XPO6: variants seen among roughly 807,000 people sequenced by gnomAD.
The protein encoded by XPO6 is exportin-6.
XPO6 carries 3 observed loss-of-function variants against 130.0 expected under a neutral mutation model. That is an observed-to-expected ratio of 0.02 (90% CI 0.01 to 0.06). The LOEUF (loss-of-function observed/expected upper bound fraction) is 0.06. Among genes scored for constraint, XPO6 ranks in the 10% least tolerant of loss-of-function variants. The pLI is 1.00. For synonymous variants in XPO6, 524 were observed against 548.9 expected, an observed-to-expected ratio of 0.95 and a Z score of 0.63; for missense variants, 970 against 1,393.0, an observed-to-expected ratio of 0.70 and a Z score of 4.83.
At chr16:28,099,287 C>T (rs1182140091) in intron 23 of XPO6, among the ~76,000 whole-genome samples, 1 of 152,170 alleles carries the variant, frequency 6.6e-6, no homozygotes, top group Admixed American at 6.5e-5. Context: ...CACGGTGAGA[C>T]CCTGCTTTTT....
chr16:28,112,815 C>T (rs374307657), intron 16 of XPO6, 89 bp downstream of exon 16: 2 of 1,507,320 alleles, frequency 1.3e-6, no homozygotes. Flanking sequence ...GCTCTGAGTA[C>T]AAAATCAAAG....
intron 1 of XPO6, among the ~76,000 whole-genome samples, chr16:28,200,552 C>T (rs1400111769): frequency 6.6e-6 from 1 of 151,610 alleles, no homozygotes; most frequent in Non-Finnish European, 1.5e-5. Flanking sequence ...GCCAAGATTG[C>T]ACCATTGCAC....
chr16:28,119,836 G>C (rs952742597), intron 14 of XPO6, among the ~76,000 whole-genome samples: 16 of 152,100 alleles, frequency 1.1e-4, no homozygotes, highest in African/African-American at 3.9e-4. Flanking sequence ...CGGGTGAAGT[G>C]ACATGTTGTC....
chr16:28,199,544 TG>T, intron 1 of XPO6, among the ~76,000 whole-genome samples: 1 of 152,092 alleles, frequency 6.6e-6, no homozygotes, highest in Non-Finnish European at 1.5e-5. Flanking sequence ...CCCAAAGTGC[TG>T]GGATTACAGG....
intron 1 of XPO6, among the ~76,000 whole-genome samples, chr16:28,207,298 A>G (rs1187904513): frequency 6.6e-6 from 1 of 151,464 alleles, no homozygotes; most frequent in Non-Finnish European, 1.5e-5. Context: ...TTAGCAGGCA[A>G]TTCAATTTCT....
At chr16:28,156,052 G>C (rs755721649) in intron 7 of XPO6, 22 bp downstream of exon 7, 4 of 1,574,798 alleles carry the variant, frequency 2.5e-6, no homozygotes, top group Non-Finnish European at 8.6e-7. Context: ...GGGCACACCA[G>C]CTCCACACTT....
intron 23 of XPO6, chr16:28,100,973 C>A (rs749223629): frequency 8.5e-6 from 2 of 234,448 alleles, no homozygotes; most frequent in Non-Finnish European, 8.6e-6. Context: ...AGCAACTCAG[C>A]CCAAGCTGAG....
rs746134721 is a variant in XPO6, at chr16:28,104,529, C to G, written c.2946+17G>C. The stretch of plus-strand genomic sequence containing the variant: ...GTTAGAGGAAGTCACCTGGCAGCAA[C>G]CCCGCCCCCACGTTACCTGCATGAT... On this transcript the variant is annotated intron_variant, in intron 21 of 23. Transcript: ENST00000304658. 6 of 1,613,664 alleles carry G rather than the reference C, an allele frequency of 3.7e-6. No homozygotes were observed. The highest frequency in any genetic ancestry group is 5.1e-6 in the Non-Finnish European group (6 of 1,179,764).
Position 28,129,416 on chromosome 16 carries a change from C to G in XPO6, c.1606+2918G>C, listed in dbSNP as rs151130912. Reference sequence around the variant, plus strand: ...GTCTGGTCAAGGCTTAGATTTCCCCCCAAAAGCACAGGACATCTGCAAGGT... The same window carrying G: ...GTCTGGTCAAGGCTTAGATTTCCCCGCAAAAGCACAGGACATCTGCAAGGT... On this transcript the variant is annotated intron_variant, in intron 12 of 23. Coordinates refer to ENST00000304658, the MANE Select transcript of XPO6 (RefSeq NM_015171.4). 4.5e-4 allele frequency among the ~76,000 whole-genome samples: 68 copies of G among 152,240 alleles called. 1 individual carries two copies. Among genetic ancestry groups the G allele is most frequent in the Middle Eastern group, 3.4e-3 (1 of 294 alleles).
chr16:28,157,385 G>A (rs1397679720), intron 6 of XPO6, among the ~76,000 whole-genome samples: 3 of 152,096 alleles, frequency 2.0e-5, no homozygotes, highest in Non-Finnish European at 4.4e-5. Flanking sequence ...AACCCAGGAG[G>A]TGGAGGTTGC....
At position 28,098,535 on chromosome 16, in the gene XPO6, G is replaced by T; in HGVS notation, c.*3C>A. The T allele has an allele frequency of 3.1e-6, 5 of 1,609,448 alleles. No homozygotes were observed. The highest frequency in any genetic ancestry group is 1.3e-5 in the African/African-American group (1 of 74,970). On this transcript the variant is annotated 3_prime_UTR_variant, in exon 24 of 24. Transcript: ENST00000304658. ...AAGTCCGTGTCCCCAGGCAGTAGCA[G>T]GCCTAGAGCTTCACAGTGCCAGGGG...
intron 1 of XPO6, among the ~76,000 whole-genome samples, chr16:28,194,393 C>T (rs867756414): frequency 6.6e-6 from 1 of 152,176 alleles, no homozygotes. Flanking sequence ...CACAGGCCTC[C>T]ATCTGTGTTC....
At chr16:28,154,082 G>A in intron 7 of XPO6, 6 of 985,186 alleles carry the variant, frequency 6.1e-6, no homozygotes, top group Non-Finnish European at 7.2e-6. Flanking sequence ...TGTTTTTAGA[G>A]ACAGGAACAT....
chr16:28,121,837 C>G (rs1044027314), intron 13 of XPO6, 75 bp from the exon 14 acceptor site: 7 of 1,003,460 alleles, frequency 7.0e-6, no homozygotes, highest in Non-Finnish European at 1.1e-5. Flanking sequence ...AAGGCTGGTA[C>G]CAGCAAAGAG....
chr16:28,116,232 C>T (rs530914796), intron 15 of XPO6, among the ~76,000 whole-genome samples: 5 of 152,188 alleles, frequency 3.3e-5, no homozygotes, highest in South Asian at 2.1e-4. Flanking sequence ...GAGGCCAAGG[C>T]GGGCAGATCA....
intron 9 of XPO6, among the ~76,000 whole-genome samples, chr16:28,141,745 G>A (rs1026124195): frequency 3.3e-5 from 5 of 152,180 alleles, no homozygotes; most frequent in Admixed American, 6.5e-5. Context: ...TGGATCATGA[G>A]GTCAGGAGAT....
At chr16:28,113,715 T>C (rs17841306) in intron 15 of XPO6, among the ~76,000 whole-genome samples, 3,323 of 152,262 alleles carry the variant, frequency 0.022, 106 homozygotes, top group African/African-American at 0.075. Context: ...CTATAACCTA[T>C]AATACTTACT....
chr16:28,207,275 A>C (rs914768947), intron 1 of XPO6, among the ~76,000 whole-genome samples: 2 of 152,016 alleles, frequency 1.3e-5, no homozygotes, highest in African/African-American at 4.8e-5. Context: ...GAAAGAAAGA[A>C]AGAAAACAAA....
In XPO6 at chr16:28,106,397, G is replaced by A. The variant is rs769384834; in HGVS notation, c.2598C>T (p.Leu866=). ...PFTEQIIQTF[L]NMFTREQLAE... is the part of the protein sequence containing the mutation. Reference sequence around the variant, plus strand: ...TCTGTGCTTACCTGGTAAACATGTTGAGGAAAGTCTGTATGATTTGCTCAG... The same window carrying A: ...TCTGTGCTTACCTGGTAAACATGTTAAGGAAAGTCTGTATGATTTGCTCAG... The change falls in exon 19 of 24, where the codon CTC becomes CTT. Residue 866 remains leucine, a synonymous_variant. Coordinates refer to ENST00000304658, the MANE Select transcript of XPO6 (RefSeq NM_015171.4). This position sits in a 1 kb window ranked among gnomAD's most constrained non-coding sequence, Gnocchi z 4.2. The A allele has an allele frequency of 1.9e-6, 3 of 1,614,162 alleles. No individual in the cohort carries two copies. The highest frequency in any genetic ancestry group is 1.7e-4 in the Middle Eastern group (1 of 6,060).
Sources: gnomAD v4.1 joint callset for allele counts (sites outside exome capture counted in the v4.1 genomes callset) on GRCh38, gnomAD v4.1.1 for gene constraint, Gnocchi (gnomAD v3.1) non-coding constraint, MANE v1.5 for transcripts, NCBI Gene and HGNC (gene_info 2026-07-23, HGNC 2026-07-21) for gene names.